SEC23IP: variants seen among roughly 807,000 people sequenced by gnomAD.
SEC23IP encodes SEC23 interacting protein, also known as SEC23-interacting protein.
SEC23IP carries 70 observed loss-of-function variants against 113.4 expected under a neutral mutation model. The observed-to-expected ratio is 0.62, with a 90% confidence interval of 0.51 to 0.75. The LOEUF is 0.75. Ranked by LOEUF, SEC23IP falls within the 30% of genes least tolerant of loss-of-function variation. The pLI is 0.00. For synonymous variants in SEC23IP, 398 were observed against 421.0 expected (o/e 0.95, Z 0.67); for missense variants, 1,160 against 1,204.9 (o/e 0.96, Z 0.55).
In SEC23IP at chr10:119,926,071, C is replaced by T; in HGVS notation, c.2157C>T (p.Ala719=). Reference sequence around the variant, plus strand: ...CGTCAGAAAAGAAGGCAGTGGCGGCCACTTCTACAAAAGGACAAGAGCAAA... The same window carrying T: ...CGTCAGAAAAGAAGGCAGTGGCGGCTACTTCTACAAAAGGACAAGAGCAAA... The part of the protein sequence containing the change: ...KAASEKKAVA[A]TSTKGQEQSA... The change falls in exon 13 of 19, where the codon GCC becomes GCT. Residue 719 remains alanine (A), a synonymous_variant. Transcript: ENST00000369075. The T allele has an allele frequency of 1.2e-6, 2 of 1,613,448 alleles. No individual in the cohort carries two copies. Among genetic ancestry groups the T allele is most frequent in the Middle Eastern group, 3.3e-4 (2 of 6,058 alleles).
At chr10:119,913,403 G>A (rs1400473947) in intron 6 of SEC23IP, among the ~76,000 whole-genome samples, 1 of 151,978 alleles carries the variant, frequency 6.6e-6, no homozygotes, top group Non-Finnish European at 1.5e-5. Flanking sequence ...AGGCCACATG[G>A]ACTCTGTTAC....
At position 119,943,924 on chromosome 10, in the gene SEC23IP, C is replaced by T. The variant is rs1464421910; in HGVS notation, c.*3359C>T. The T allele has an allele frequency of 6.6e-6, 1 of 152,150 alleles. No homozygotes were observed. Among genetic ancestry groups the T allele is most frequent in the Non-Finnish European group, 1.5e-5 (1 of 68,042 alleles). The allele number at this position is 152,150 out of a possible 1,614,324, so 9.4% of individuals were successfully genotyped here. A position where few individuals can be genotyped will look rare whatever the true frequency, so the allele number is the denominator to read the frequency against. On this transcript the variant is annotated 3_prime_UTR_variant, in exon 19 of 19. Transcript: ENST00000369075. Reference sequence around the variant, plus strand: ...GACTGGTGTGGTTGGGATAACCCACCATGTTTGTCTTTCATTTCTTGTATA... The same window carrying T: ...GACTGGTGTGGTTGGGATAACCCACTATGTTTGTCTTTCATTTCTTGTATA...
chr10:119,916,860 C>T (rs1260260344), intron 8 of SEC23IP, among the ~76,000 whole-genome samples: 2 of 151,990 alleles, frequency 1.3e-5, no homozygotes, highest in African/African-American at 4.8e-5. Flanking sequence ...GCACAAATAA[C>T]TTTAAAAAAA....
intron 2 of SEC23IP, among the ~76,000 whole-genome samples, chr10:119,899,768 G>A (rs1461571589): frequency 1.3e-5 from 2 of 152,126 alleles, no homozygotes; most frequent in South Asian, 2.1e-4. Context: ...CAAACTAATT[G>A]TAGTTTGTTG....
Position 119,926,156 on chromosome 10 carries a change from A to G in SEC23IP, c.2242A>G (p.Lys748Glu). 6.2e-7 allele frequency: 1 copy of G among 1,614,186 alleles called. No homozygotes were observed. The highest frequency in any genetic ancestry group is 1.1e-5 in the South Asian group (1 of 91,086). ...LPSESNEPKRKLPVGACVSSV... is the reference protein window; with the variant it reads ...LPSESNEPKRELPVGACVSSV... ...CTCAGAATCCAATGAGCCAAAGAGG[A>G]AACTTCCAGTTGGTGCTTGCGTGTC... Residue 748 changes from lysine (K) to glutamate (E), a missense_variant, in exon 13 of 19, where the codon AAA becomes GAA. By Grantham distance (56) the Lys-to-Glu change is moderately conservative. Coordinates refer to ENST00000369075, the MANE Select transcript of SEC23IP (RefSeq NM_007190.4).
chr10:119,893,013 G>C (rs984662542), intron 1 of SEC23IP, 68 bp downstream of exon 1: 2 of 1,528,350 alleles, frequency 1.3e-6, no homozygotes, highest in African/African-American at 1.4e-5. Context: ...ACAAAGGTCA[G>C]ACGGGAGTTT....
chr10:119,893,514 C>CTTTT (rs60552712), intron 1 of SEC23IP, among the ~76,000 whole-genome samples: 82 of 85,282 alleles, frequency 9.6e-4, no homozygotes, highest in East Asian at 1.4e-3. Context: ...CATTCCTTAT[C>CTTTT]TTTTTTTTTT....
At chr10:119,916,720 A>G (rs912818075) in intron 8 of SEC23IP, among the ~76,000 whole-genome samples, 4 of 152,082 alleles carry the variant, frequency 2.6e-5, no homozygotes, top group Admixed American at 1.3e-4. Flanking sequence ...AGGTGTCCAG[A>G]TTTGCAGTTA....
chr10:119,901,044 T>A (rs201294023), intron 2 of SEC23IP, among the ~76,000 whole-genome samples: 7,028 of 42,944 alleles, frequency 0.16, 533 homozygotes, highest in Admixed American at 0.24. Flanking sequence ...TTTTAAAGAG[T>A]GGGGGGGGGG....
intron 2 of SEC23IP, among the ~76,000 whole-genome samples, chr10:119,902,215 G>T (rs112992045): frequency 0.18 from 27,206 of 152,056 alleles, 2,615 homozygotes; most frequent in Non-Finnish European, 0.22. Flanking sequence ...AATTAGCTGA[G>T]TGTGGTGGCG....
At position 119,933,792 on chromosome 10, in the gene SEC23IP, G is replaced by C. The variant is rs1219103590; in HGVS notation, c.*20+5G>C. 7.8e-7 allele frequency: 1 copy of C among 1,287,502 alleles called. No homozygotes were observed. The highest frequency in any genetic ancestry group is 1.7e-5 in the Admixed American group (1 of 58,954). 79.8% of individuals were successfully genotyped at this position (1,287,502 alleles called of 1,614,324 possible). A position where few individuals can be genotyped will look rare whatever the true frequency, so the allele number is the denominator to read the frequency against. ...ATCAAACTTCAGTTTTACTGTGTGAGTTTATCCTTATTGAATGTATAAATT... is the reference window on the plus strand; with the variant it reads ...ATCAAACTTCAGTTTTACTGTGTGACTTTATCCTTATTGAATGTATAAATT... On this transcript the variant is annotated splice_donor_5th_base_variant and intron_variant, in intron 18 of 18. Transcript: ENST00000369075.
chr10:119,916,535 C>T (rs1471423901), intron 8 of SEC23IP, among the ~76,000 whole-genome samples: 1 of 152,146 alleles, frequency 6.6e-6, no homozygotes, highest in Non-Finnish European at 1.5e-5. Context: ...AAAACTATTT[C>T]TACAAACAGC....
At chr10:119,899,005 C>T (rs762169919) in intron 2 of SEC23IP, 46 bp downstream of exon 2, 19 of 1,415,526 alleles carry the variant, frequency 1.3e-5, no homozygotes, top group Admixed American at 2.2e-5. Flanking sequence ...TCTGTGTCTT[C>T]TTTCTCACCT....
In SEC23IP at chr10:119,942,476, T is replaced by G. The variant is rs1855993567; in HGVS notation, c.*1911T>G. The G allele has an allele frequency of 6.6e-6, 1 of 152,168 alleles. No homozygotes were observed. Among genetic ancestry groups the G allele is most frequent in the South Asian group, 2.1e-4 (1 of 4,834 alleles). The allele number at this position is 152,168 out of a possible 1,614,324, so 9.4% of individuals were successfully genotyped here. A position where few individuals can be genotyped will look rare whatever the true frequency, so the allele number is the denominator to read the frequency against. On this transcript the variant is annotated 3_prime_UTR_variant, in exon 19 of 19. Coordinates refer to ENST00000369075, the MANE Select transcript of SEC23IP (RefSeq NM_007190.4). ...ACTGTTGTAACCACCTTGCAGGATTTCAGTCTATAAACTAGGTGAGAATCC... is the reference window on the plus strand; with the variant it reads ...ACTGTTGTAACCACCTTGCAGGATTGCAGTCTATAAACTAGGTGAGAATCC...
chr10:119,904,142 C>T lies in SEC23IP; in HGVS notation c.966C>T (p.Tyr322=). 1 of 1,614,204 alleles carries T rather than the reference C, an allele frequency of 6.2e-7. No homozygotes were observed. The highest frequency in any genetic ancestry group is 1.1e-5 in the South Asian group (1 of 91,080). Residue 322 remains tyrosine, a synonymous_variant, in exon 4 of 19, where the codon TAC becomes TAT. Transcript: ENST00000369075. ...CGGATGGAGGGCGCTACGATGTTTACCTCTATGACCGAATAAGGAAGGCTG... is the reference window on the plus strand; with the variant it reads ...CGGATGGAGGGCGCTACGATGTTTATCTCTATGACCGAATAAGGAAGGCTG... ...LGTDGGRYDV[Y]LYDRIRKAAY... is the part of the protein sequence containing the mutation.
intron 15 of SEC23IP, among the ~76,000 whole-genome samples, chr10:119,931,903 T>G (rs1012154054): frequency 6.6e-6 from 1 of 150,728 alleles, no homozygotes; most frequent in African/African-American, 2.5e-5. Flanking sequence ...GAGAGAAAAT[T>G]TATAGATTTT....
At chr10:119,909,755 C>G (rs1854797313) in intron 5 of SEC23IP, among the ~76,000 whole-genome samples, 1 of 151,852 alleles carries the variant, frequency 6.6e-6, no homozygotes. Flanking sequence ...ATTAGCTGAG[C>G]ATAGTGGTGT....
chr10:119,919,417 A>G (rs1855166249), intron 10 of SEC23IP, 27 bp from the exon 11 acceptor site: 2 of 1,576,740 alleles, frequency 1.3e-6, no homozygotes, highest in Non-Finnish European at 1.7e-6. Context: ...TGAGCTTGTA[A>G]TGTTTTTCAT....
At position 119,943,589 on chromosome 10, in the gene SEC23IP, CAAAA is replaced by C. The variant is rs201270133; in HGVS notation, c.*3030_*3033del. On this transcript the variant is annotated 3_prime_UTR_variant, in exon 19 of 19. Coordinates refer to ENST00000369075, the MANE Select transcript of SEC23IP (RefSeq NM_007190.4). ...TGAGTGACAGAGCGAGACTCTGTCT[CAAAA>C]AAAAATAAATGAATAAAAAATAAAA... 1.3e-5 allele frequency: 2 copies of C among 149,860 alleles called. No individual in the cohort carries two copies. The highest frequency in any genetic ancestry group is 3.9e-4 in the East Asian group (2 of 5,116). 9.3% of individuals were successfully genotyped at this position (149,860 alleles called of 1,614,324 possible).
Sources: allele counts gnomAD v4.1 joint callset (sites outside exome capture counted in the v4.1 genomes callset), GRCh38; gene constraint gnomAD v4.1.1; transcripts MANE v1.5; gene names NCBI Gene and HGNC (gene_info 2026-07-23, HGNC 2026-07-21).